The following ZBTB40 variants were observed in gnomAD, a reference collection of about 807,000 sequenced individuals.
ZBTB40 encodes zinc finger and BTB domain containing 40, also known as zinc finger and BTB domain-containing protein 40.
ZBTB40 carries 60 observed loss-of-function variants against 117.5 expected under a neutral mutation model. The observed-to-expected ratio is 0.51, with a 90% CI of 0.41 to 0.63. The LOEUF is 0.63. ZBTB40 is among the 30% of genes least tolerant of loss of function. ZBTB40 has a pLI of 0.00. For synonymous variants in ZBTB40, 525 were observed against 577.1 expected, an observed-to-expected ratio of 0.91 and a Z score of 1.29; for missense variants, 1,287 against 1,498.5, an observed-to-expected ratio of 0.86 and a Z score of 2.33.
intron 1 of ZBTB40, among the ~76,000 whole-genome samples, chr1:22,472,659 TA>T (rs1641440266): frequency 6.6e-6 from 1 of 152,180 alleles, no homozygotes; most frequent in South Asian, 2.1e-4. Context: ...AATGTCACAG[TA>T]GGTCATATAT....
intron 5 of ZBTB40, among the ~76,000 whole-genome samples, chr1:22,505,071 AT>A (rs1346957214): frequency 6.6e-6 from 1 of 152,174 alleles, no homozygotes; most frequent in African/African-American, 2.4e-5. Context: ...TATAAAACCA[AT>A]TTGGTTTTAA....
chr1:22,437,369 AC>A (rs1640682517), intron 1 of ZBTB40, among the ~76,000 whole-genome samples: 1 of 151,062 alleles, frequency 6.6e-6, no homozygotes, highest in African/African-American at 2.4e-5. Flanking sequence ...GAGTGCACAT[AC>A]TTTTTTTTTT....
intron 1 of ZBTB40, among the ~76,000 whole-genome samples, chr1:22,463,111 AT>A (rs1208526246): frequency 3.3e-5 from 5 of 152,148 alleles, no homozygotes; most frequent in Non-Finnish European, 7.4e-5. Flanking sequence ...TATTATCCCC[AT>A]TTTACATATG....
At chr1:22,500,640 A>G (rs1638902760) in intron 3 of ZBTB40, among the ~76,000 whole-genome samples, 1 of 152,236 alleles carries the variant, frequency 6.6e-6, no homozygotes, top group Non-Finnish European at 1.5e-5. Context: ...GGCACTGCCA[A>G]GTGCCACCGA....
In ZBTB40 at chr1:22,530,203, A is replaced by G. The variant is rs1168831057; in HGVS notation, c.*3807A>G. The G allele has an allele frequency of 1.3e-5, 2 of 152,280 alleles. No individual in the cohort carries two copies. The highest frequency in any genetic ancestry group is 1.9e-4 in the East Asian group (1 of 5,290). 9.4% of individuals were successfully genotyped at this position (152,280 alleles called of 1,614,324 possible). Reference sequence around the variant, plus strand: ...ATGGAGAAAAAGCAGGGATGCTATAATGAGTCCTCCCCAAGGGTGAGTTCA... The same window carrying G: ...ATGGAGAAAAAGCAGGGATGCTATAGTGAGTCCTCCCCAAGGGTGAGTTCA... On this transcript the variant is annotated 3_prime_UTR_variant, in exon 18 of 18. Transcript: ENST00000375647.
intron 1 of ZBTB40, among the ~76,000 whole-genome samples, chr1:22,480,126 G>A (rs1023828370): frequency 6.6e-6 from 1 of 152,070 alleles, no homozygotes; most frequent in Non-Finnish European, 1.5e-5. Context: ...GGCTGGTCTC[G>A]AACTCCTGAC....
intron 1 of ZBTB40, among the ~76,000 whole-genome samples, chr1:22,469,467 A>G (rs1641346433): frequency 1.3e-5 from 2 of 152,112 alleles, no homozygotes; most frequent in South Asian, 2.1e-4. Context: ...CTACAGGTAC[A>G]TGCCATTGCA....
At chr1:22,468,178 A>G (rs1641304538) in intron 1 of ZBTB40, among the ~76,000 whole-genome samples, 1 of 152,018 alleles carries the variant, frequency 6.6e-6, no homozygotes, top group Non-Finnish European at 1.5e-5. Context: ...GCATTCTCTC[A>G]TTTCATCTTC....
In ZBTB40 at chr1:22,526,239, A is replaced by G. The variant is rs769980225; in HGVS notation, c.3563A>G (p.Gln1188Arg). ...QTPEPVAPTE[Q>R]VITLEETQLA... is the part of the protein sequence containing the mutation. Reference sequence around the variant, plus strand: ...CCAGAGCCGGTGGCCCCGACAGAGCAGGTGATCACTTTGGAGGAGACCCAG... The same window carrying G: ...CCAGAGCCGGTGGCCCCGACAGAGCGGGTGATCACTTTGGAGGAGACCCAG... Residue 1188 changes from glutamine to arginine, a missense_variant, in exon 18 of 18, where the codon CAG (glutamine) becomes CGG (arginine). Physicochemically the swap from Gln to Arg is conservative, Grantham distance 43 (BLOSUM62 1). Coordinates refer to ENST00000375647, the MANE Select transcript of ZBTB40 (RefSeq NM_014870.4). 4 of 1,614,024 alleles carry G rather than the reference A, an allele frequency of 2.5e-6. No homozygotes were observed. Among genetic ancestry groups the G allele is most frequent in the Admixed American group, 1.7e-5 (1 of 60,010 alleles).
At chr1:22,459,904 A>G (rs1355767578) in intron 1 of ZBTB40, among the ~76,000 whole-genome samples, 2 of 152,192 alleles carry the variant, frequency 1.3e-5, no homozygotes, top group Non-Finnish European at 2.9e-5. Flanking sequence ...TTTTCCTTAT[A>G]TAAAATCTGT....
chr1:22,510,842 A>G, intron 9 of ZBTB40, among the ~76,000 whole-genome samples: 1 of 152,210 alleles, frequency 6.6e-6, no homozygotes, highest in East Asian at 1.9e-4. Context: ...TAGCTTTTCA[A>G]GCTTTTAGTA....
chr1:22,434,173 T>C (rs1640639387), intron 1 of ZBTB40, among the ~76,000 whole-genome samples: 1 of 152,238 alleles, frequency 6.6e-6, no homozygotes, highest in Non-Finnish European at 1.5e-5. Flanking sequence ...AGGGTAGTTT[T>C]CATTTGCATA....
chr1:22,483,426 C>T (rs1265362485), intron 1 of ZBTB40, among the ~76,000 whole-genome samples: 1 of 152,176 alleles, frequency 6.6e-6, no homozygotes, highest in Non-Finnish European at 1.5e-5. Flanking sequence ...AATGAAAGTT[C>T]CTGTTTCTCT....
At chr1:22,492,079 A>G (rs901417653) in intron 3 of ZBTB40, among the ~76,000 whole-genome samples, 3 of 152,204 alleles carry the variant, frequency 2.0e-5, no homozygotes, top group African/African-American at 7.2e-5. Context: ...AAAAATCATC[A>G]GTGTGAGTAT....
chr1:22,509,051 A>C lies in ZBTB40; in HGVS notation c.1700-49A>C, dbSNP rs758318029. The C allele has an allele frequency of 1.9e-5, 30 of 1,614,032 alleles. No individual in the cohort carries two copies. In the East Asian group the frequency reaches 6.5e-4, roughly 35 times the overall value. On this transcript the variant is annotated intron_variant, in intron 8 of 17. Coordinates refer to ENST00000375647, the MANE Select transcript of ZBTB40 (RefSeq NM_014870.4). ...GAGTGGAGGAAGGGTGTAGGAAAAA[A>C]TGGTGCTCATTGTTTGCCTAATGAG...
At chr1:22,469,016 A>G (rs557665980) in intron 1 of ZBTB40, among the ~76,000 whole-genome samples, 1 of 151,736 alleles carries the variant, frequency 6.6e-6, no homozygotes, top group Non-Finnish European at 1.5e-5. Context: ...TTTTTTAGAG[A>G]TGGAGTGTCA....
intron 5 of ZBTB40, among the ~76,000 whole-genome samples, chr1:22,505,527 A>G (rs1639054931): frequency 6.6e-6 from 1 of 152,190 alleles, no homozygotes; most frequent in Non-Finnish European, 1.5e-5. Flanking sequence ...TAAATCTAAT[A>G]TTTTGGAGTC....
In ZBTB40 at chr1:22,513,488, C is replaced by G. The variant is rs750650791; in HGVS notation, c.2668+358C>G. Reference sequence around the variant, plus strand: ...GGCTGAGGCAGGCGGATCACAAGGTCAGGAGATTGAGACCATCCTGGCTAA... The same window carrying G: ...GGCTGAGGCAGGCGGATCACAAGGTGAGGAGATTGAGACCATCCTGGCTAA... On this transcript the variant is annotated intron_variant, in intron 12 of 17. Transcript: ENST00000375647. The surrounding 1 kb of genome is among the most constrained non-coding windows in gnomAD (Gnocchi z 4.9). Among the ~76,000 whole-genome samples, 4 of 152,064 alleles carry G rather than the reference C, an allele frequency of 2.6e-5. No individual in the cohort carries two copies. The highest frequency in any genetic ancestry group is 5.9e-5 in the Non-Finnish European group (4 of 68,014).
rs747862560 is a variant in ZBTB40, at chr1:22,517,345, C to T, written c.2714C>T (p.Ser905Phe). The T allele has an allele frequency of 6.2e-7, 1 of 1,614,204 alleles. No homozygotes were observed. Among genetic ancestry groups the T allele is most frequent in the East Asian group, 2.2e-5 (1 of 44,884 alleles). ...TACTGTGATGCTGTGTTTGCCCAGT[C>T]TATTGAGCTGTCCCGCCACGTGAGG... ...CQYCDAVFAQ[S>F]IELSRHVRTH... is the part of the protein sequence containing the mutation. Residue 905 changes from serine to phenylalanine, a missense_variant, in exon 13 of 18, where the codon TCT becomes TTT. Physicochemically the swap from Ser to Phe is radical, Grantham distance 155. Coordinates refer to ENST00000375647, the MANE Select transcript of ZBTB40 (RefSeq NM_014870.4).
Sources: gnomAD v4.1 joint callset for allele counts (sites outside exome capture counted in the v4.1 genomes callset) on GRCh38, gnomAD v4.1.1 for gene constraint, Gnocchi (gnomAD v3.1) non-coding constraint, MANE v1.5 for transcripts, NCBI Gene and HGNC (gene_info 2026-07-23, HGNC 2026-07-21) for gene names.